The following RXRG variants were observed in gnomAD, a reference collection of about 807,000 sequenced individuals.
RXRG encodes retinoid X receptor gamma.
In RXRG, 19 loss-of-function variants were observed where a neutral mutation model predicts 49.2. That is an observed-to-expected ratio of 0.39 (90% CI 0.27 to 0.57). The LOEUF is 0.57. RXRG is among the 20% of genes least tolerant of loss of function. The pLI, the probability that RXRG is intolerant of heterozygous loss-of-function variation, is 0.64. For synonymous variants in RXRG, 224 were observed against 216.6 expected, an observed-to-expected ratio of 1.03 and a Z score of -0.30; for missense variants, 452 against 592.5, an observed-to-expected ratio of 0.76 and a Z score of 2.46.
At chr1:165,420,383 A>C (rs745744656) in intron 2 of RXRG, among the ~76,000 whole-genome samples, 1 of 152,220 alleles carries the variant, frequency 6.6e-6, no homozygotes, top group African/African-American at 2.4e-5. Flanking sequence ...TTGACTGCCT[A>C]TTCAGCCGTG....
At chr1:165,412,429 T>G (rs12069160) in intron 4 of RXRG, among the ~76,000 whole-genome samples, 12,298 of 151,840 alleles carry the variant, frequency 0.081, 766 homozygotes, top group East Asian at 0.35. Context: ...GAGAAAATAG[T>G]GAAAAGAGGG....
At position 165,405,190 on chromosome 1, in the gene RXRG, G is replaced by A. The variant is rs115938282; in HGVS notation, c.1244+1622C>T. Among the ~76,000 whole-genome samples, 388 of 152,302 alleles carry A rather than the reference G, an allele frequency of 2.5e-3. 2 individuals carry two copies. Among genetic ancestry groups the A allele is most frequent in the Non-Finnish European group, 3.7e-3 (254 of 68,030 alleles). On this transcript the variant is annotated intron_variant, in intron 9 of 9. Coordinates refer to ENST00000359842, the MANE Select transcript of RXRG (RefSeq NM_006917.5). ...AGAGACAATTTCAGGAAAATGATAT[G>A]TACGACTCTCATTATTTGTAATGTC...
At chr1:165,404,290 C>T (rs1431396361) in intron 9 of RXRG, among the ~76,000 whole-genome samples, 1 of 152,206 alleles carries the variant, frequency 6.6e-6, no homozygotes, top group East Asian at 1.9e-4. Flanking sequence ...GGAGACTATG[C>T]AGGGGACTCT....
chr1:165,423,381 C>T lies in RXRG; in HGVS notation c.298-3367G>A, dbSNP rs1393914028. 2.0e-5 allele frequency among the ~76,000 whole-genome samples: 3 copies of T among 152,212 alleles called. No individual in the cohort carries two copies. The East Asian group carries it at 5.8e-4, about 29-fold the overall frequency. ...AAAGAAACATACTTGTCTGCTGGAT[C>T]GTCTTCCCTTTTGCAGACTCAGCCA... On this transcript the variant is annotated intron_variant, in intron 2 of 9. Coordinates refer to ENST00000359842, the MANE Select transcript of RXRG (RefSeq NM_006917.5).
intron 1 of RXRG, among the ~76,000 whole-genome samples, chr1:165,436,225 G>GGCT (rs1173181742): frequency 2.0e-5 from 3 of 152,130 alleles, no homozygotes; most frequent in Non-Finnish European, 4.4e-5. Flanking sequence ...CATGACCTGT[G>GGCT]GCTGTTTGTG....
chr1:165,421,529 C>T (rs1557918232), intron 2 of RXRG, among the ~76,000 whole-genome samples: 8 of 131,400 alleles, frequency 6.1e-5, no homozygotes, highest in South Asian at 2.4e-4. Context: ...TCTGGCATTT[C>T]TTTTTTTTTT....
At chr1:165,401,521 A>T in intron 9 of RXRG, 111 bp from the exon 10 acceptor site, 1 of 1,183,354 alleles carries the variant, frequency 8.5e-7, no homozygotes, top group African/African-American at 1.5e-5. Context: ...GTGATAAAAG[A>T]GCTGGAAGGG....
chr1:165,444,663 C>T (rs78889192), intron 1 of RXRG, among the ~76,000 whole-genome samples, 182 bp downstream of exon 1: 3,779 of 152,160 alleles, frequency 0.025, 162 homozygotes, highest in African/African-American at 0.086. Context: ...ACCATTCTTT[C>T]CTCCTCTCCT....
intron 7 of RXRG, among the ~76,000 whole-genome samples, chr1:165,408,738 G>T (rs996365996): frequency 2.0e-5 from 3 of 152,184 alleles, no homozygotes; most frequent in Admixed American, 1.3e-4. Context: ...CGGTTACCAC[G>T]AAGGGGGATG....
intron 1 of RXRG, among the ~76,000 whole-genome samples, chr1:165,438,115 G>T (rs987391214): frequency 2.6e-5 from 4 of 152,112 alleles, no homozygotes; most frequent in African/African-American, 9.7e-5. Flanking sequence ...CTCCAGGAGG[G>T]GCCCCTCTAT....
At chr1:165,409,781 A>G in intron 6 of RXRG, 91 bp from the exon 7 acceptor site, 1 of 1,175,166 alleles carries the variant, frequency 8.5e-7, no homozygotes, top group African/African-American at 1.6e-5. Flanking sequence ...TATCCCACAT[A>G]ACACAAGCAG....
intron 4 of RXRG, 59 bp downstream of exon 4, chr1:165,416,982 C>T: frequency 2.0e-6 from 3 of 1,519,174 alleles, no homozygotes; most frequent in Non-Finnish European, 2.7e-6. Context: ...AGTTGAATGT[C>T]CCCTTGCCTA....
chr1:165,406,190 AGAGATCTGCTAGATGG>A, intron 9 of RXRG, among the ~76,000 whole-genome samples: 1 of 80,300 alleles, frequency 1.2e-5, no homozygotes, highest in South Asian at 6.4e-4. Flanking sequence ...AGATGGCCTC[AGAGATCTGCTAGATGG>A]CCTCAGAGAT....
In RXRG at chr1:165,445,001, GT is replaced by G; in HGVS notation, c.-109del. On this transcript the variant is annotated 5_prime_UTR_variant, in exon 1 of 10. An upstream open reading frame in the 5' UTR loses its in-frame stop. Transcript: ENST00000359842. The stretch of plus-strand genomic sequence containing the variant: ...TCTTCAACTTGGGCTAACAAGAGTG[GT>G]CATCGCTTCCTAGCAGCCCGGGGAG... The G allele has an allele frequency of 9.8e-7, 1 of 1,024,256 alleles. No homozygotes were observed. The highest frequency in any genetic ancestry group is 2.4e-5 in the East Asian group (1 of 41,950). The allele number at this position is 1,024,256 out of a possible 1,614,324, so 63.4% of individuals were successfully genotyped here.
chr1:165,425,086 T>C (rs1052047298), intron 2 of RXRG: 1 of 280,208 alleles, frequency 3.6e-6, no homozygotes, highest in Non-Finnish European at 5.4e-6. Context: ...AGCTTCCATC[T>C]GACCTTTCAA....
intron 1 of RXRG, among the ~76,000 whole-genome samples, chr1:165,436,557 A>G (rs561210165): frequency 2.0e-5 from 3 of 152,306 alleles, no homozygotes; most frequent in Admixed American, 1.3e-4. Flanking sequence ...ACTGCACACT[A>G]TGAGATGCTG....
intron 1 of RXRG, among the ~76,000 whole-genome samples, chr1:165,439,611 T>A (rs1658919366): frequency 6.6e-6 from 1 of 152,186 alleles, no homozygotes; most frequent in Non-Finnish European, 1.5e-5. Flanking sequence ...CTCTTCTACA[T>A]GCTCTCCACT....
At chr1:165,403,713 A>G (rs3767335) in intron 9 of RXRG, among the ~76,000 whole-genome samples, 6,593 of 152,340 alleles carry the variant, frequency 0.043, 173 homozygotes, top group East Asian at 0.072. Flanking sequence ...CAAAGGAAAC[A>G]GCTTCTCTGT....
intron 3 of RXRG, among the ~76,000 whole-genome samples, chr1:165,419,107 T>G (rs1254702688): frequency 6.6e-6 from 1 of 152,048 alleles, no homozygotes; most frequent in Non-Finnish European, 1.5e-5. Context: ...GAGGGAAATA[T>G]GGGGCAGGAA....
Sources: allele counts gnomAD v4.1 joint callset (sites outside exome capture counted in the v4.1 genomes callset), GRCh38; gene constraint gnomAD v4.1.1; transcripts MANE v1.5; gene names NCBI Gene and HGNC (gene_info 2026-07-23, HGNC 2026-07-21).